Variants in TNPO3 observed in about 807,000 individuals in gnomAD.
The protein encoded by TNPO3 is transportin-3.
A neutral mutation model predicts 122.8 loss-of-function variants in TNPO3; 65 were observed. The ratio of observed to expected loss-of-function variants is 0.53; its 90% CI spans 0.43 to 0.65. The LOEUF is 0.65. TNPO3 is among the 30% of genes least tolerant of loss of function. The pLI, the probability that TNPO3 is intolerant of heterozygous loss-of-function variation, is 0.00. For missense variants in TNPO3, 850 were observed against 1,136.7 expected, an observed-to-expected ratio of 0.75 and a Z score of 3.63; for synonymous variants, 372 against 411.2, an observed-to-expected ratio of 0.90 and a Z score of 1.15.
intron 1 of TNPO3, 24 bp from the exon 2 acceptor site, chr7:129,018,181 G>A: frequency 6.2e-7 from 1 of 1,605,780 alleles, no homozygotes; most frequent in Non-Finnish European, 8.5e-7. Flanking sequence ...AGACAAAGAT[G>A]TCTTAAAGAA....
In TNPO3 at chr7:128,974,938, G is replaced by T. The variant is rs765448983; in HGVS notation, c.2203C>A (p.Leu735Ile). The change falls in exon 18 of 23, where the codon CTC (leucine) becomes ATC (isoleucine). Residue 735 changes from leucine (L) to isoleucine (I), a missense_variant. Transcript: ENST00000265388. Reference protein sequence around the residue: ...LQALCIPTFQLLEQQNGLQNH... With the variant: ...LQALCIPTFQILEQQNGLQNH... ...TGGAGACCATTCTGCTGTTCTAGGAGCTGAAAGGTGGGGATGCACAGTGCC... is the reference window on the plus strand; with the variant it reads ...TGGAGACCATTCTGCTGTTCTAGGATCTGAAAGGTGGGGATGCACAGTGCC... The T allele has an allele frequency of 6.2e-7, 1 of 1,614,204 alleles. No homozygotes were observed. The highest frequency in any genetic ancestry group is 8.5e-7 in the Non-Finnish European group (1 of 1,180,020).
At chr7:129,019,020 C>T (rs1220014167) in intron 1 of TNPO3, among the ~76,000 whole-genome samples, 1 of 152,154 alleles carries the variant, frequency 6.6e-6, no homozygotes, top group African/African-American at 2.4e-5. Context: ...TGCCTGGCCC[C>T]TTCAATTATT....
chr7:128,962,347 G>A (rs1225218464), intron 21 of TNPO3, among the ~76,000 whole-genome samples: 2 of 145,382 alleles, frequency 1.4e-5, no homozygotes, highest in East Asian at 4.0e-4. Context: ...AGTCCGGCCT[G>A]GGCGACAGAG....
chr7:128,978,831 C>A (rs996070248), intron 16 of TNPO3, 152 bp downstream of exon 16: 2 of 791,648 alleles, frequency 2.5e-6, no homozygotes, highest in African/African-American at 1.8e-5. Flanking sequence ...AGGGTTTCAC[C>A]ATGTTGGCCA....
intron 1 of TNPO3, among the ~76,000 whole-genome samples, chr7:129,021,767 T>C (rs1273131075): frequency 6.6e-6 from 1 of 151,200 alleles, no homozygotes; most frequent in African/African-American, 2.4e-5. Flanking sequence ...ATTAAGAAAA[T>C]GATACAAGAT....
intron 4 of TNPO3, among the ~76,000 whole-genome samples, chr7:129,011,465 T>A (rs1803185629): frequency 6.6e-6 from 1 of 152,208 alleles, no homozygotes; most frequent in Admixed American, 6.5e-5. Context: ...TGCCTTGGCC[T>A]CCCGAGTAGC....
At chr7:128,978,398 C>G (rs1339877710) in intron 16 of TNPO3, among the ~76,000 whole-genome samples, 2 of 152,108 alleles carry the variant, frequency 1.3e-5, no homozygotes, top group Non-Finnish European at 2.9e-5. Flanking sequence ...CATTTTTTCC[C>G]CAAGGATCTC....
At chr7:129,044,926 A>T (rs973022061) in intron 1 of TNPO3, among the ~76,000 whole-genome samples, 3 of 152,232 alleles carry the variant, frequency 2.0e-5, no homozygotes, top group African/African-American at 7.2e-5. Context: ...TCATAGCAGC[A>T]TTATTCACAA....
chr7:128,980,956 A>G (rs1446986048), intron 14 of TNPO3, among the ~76,000 whole-genome samples: 3 of 151,310 alleles, frequency 2.0e-5, no homozygotes, highest in Non-Finnish European at 4.4e-5. Flanking sequence ...ATAGCTCACA[A>G]TTTGAAGAAA....
At chr7:129,051,109 G>T (rs562475385) in intron 1 of TNPO3, among the ~76,000 whole-genome samples, 1 of 151,210 alleles carries the variant, frequency 6.6e-6, no homozygotes, top group African/African-American at 2.4e-5. Flanking sequence ...TGAGATTTGA[G>T]GGTGACTTAT....
chr7:128,955,237 C>A lies in TNPO3; in HGVS notation c.*180G>T. 1 of 444,770 alleles carries A rather than the reference C, an allele frequency of 2.2e-6. No individual in the cohort carries two copies. Among genetic ancestry groups the A allele is most frequent in the South Asian group, 1.6e-5 (1 of 63,260 alleles). The allele number at this position is 444,770 out of a possible 1,614,324, so 27.6% of individuals were successfully genotyped here. A position where few individuals can be genotyped will look rare whatever the true frequency, so the allele number is the denominator to read the frequency against. ...CTCACACCCCCAAACAGGAACTCCT[C>A]AGGATGGCCTCAGAAGGCTGGAGTC... On this transcript the variant is annotated 3_prime_UTR_variant, in exon 23 of 23. Coordinates refer to ENST00000265388, the MANE Select transcript of TNPO3 (RefSeq NM_012470.4).
At chr7:128,974,550 G>A (rs1029516787) in intron 18 of TNPO3, among the ~76,000 whole-genome samples, 29 of 151,988 alleles carry the variant, frequency 1.9e-4, no homozygotes, top group African/African-American at 7.0e-4. Flanking sequence ...ACATGAAATC[G>A]CAACAGCACG....
rs535420131 is a variant in TNPO3, at chr7:129,017,171, C to A, written c.322-115G>T. The A allele has an allele frequency of 8.6e-6, 8 of 932,000 alleles. No individual in the cohort carries two copies. In the South Asian group the frequency reaches 1.2e-4, roughly 14 times the overall value. 57.7% of individuals were successfully genotyped at this position (932,000 alleles called of 1,614,324 possible). ...CAAACAATATGACAACTAAGACTAACCCCCTTCCCCCATTTCTCCCAACCT... is the reference window on the plus strand; with the variant it reads ...CAAACAATATGACAACTAAGACTAAACCCCTTCCCCCATTTCTCCCAACCT... On this transcript the variant is annotated intron_variant, in intron 2 of 22. Coordinates refer to ENST00000265388, the MANE Select transcript of TNPO3 (RefSeq NM_012470.4).
intron 1 of TNPO3, among the ~76,000 whole-genome samples, chr7:129,019,495 T>C (rs189202545): frequency 1.3e-5 from 2 of 152,314 alleles, no homozygotes; most frequent in Admixed American, 1.3e-4. Context: ...CTTGTACAAG[T>C]TCCTAAAGTA....
intron 8 of TNPO3, 148 bp from the exon 9 acceptor site, chr7:128,994,062 C>T (rs1359382562): frequency 1.5e-6 from 1 of 656,226 alleles, no homozygotes; most frequent in Non-Finnish European, 2.6e-6. Flanking sequence ...TTATTTTAGA[C>T]AGAGGGTTTC....
At chr7:128,976,468 T>G (rs1300987246) in intron 16 of TNPO3, among the ~76,000 whole-genome samples, 2 of 152,150 alleles carry the variant, frequency 1.3e-5, no homozygotes, top group Admixed American at 6.5e-5. Context: ...TAACACAATA[T>G]GCACATTATT....
At chr7:128,994,010 C>G in intron 8 of TNPO3, 96 bp from the exon 9 acceptor site, 1 of 1,156,454 alleles carries the variant, frequency 8.6e-7, no homozygotes, top group Admixed American at 2.4e-5. Flanking sequence ...ATTAAGCAGT[C>G]AAGTTTCAAT....
Position 128,979,013 on chromosome 7 carries a change from A to G in TNPO3, c.2031T>C (p.Ser677=). ...RFAVRCVGKG[S]AALLQPLVTQ... ...TGACTAGTGGCTGCAGCAGTGCTGC[A>G]GATCCTTTGCCTACACAGCGAACAG... Residue 677 remains serine (S), a synonymous_variant, in exon 16 of 23, where the codon TCT becomes TCC. Coordinates refer to ENST00000265388, the MANE Select transcript of TNPO3 (RefSeq NM_012470.4). 6.2e-7 allele frequency: 1 copy of G among 1,614,202 alleles called. No homozygotes were observed. The highest frequency in any genetic ancestry group is 8.5e-7 in the Non-Finnish European group (1 of 1,180,002).
chr7:128,986,924 A>T lies in TNPO3; in HGVS notation c.1499-4T>A. 1 of 1,601,512 alleles carries T rather than the reference A, an allele frequency of 6.2e-7. No individual in the cohort carries two copies. The highest frequency in any genetic ancestry group is 8.5e-7 in the Non-Finnish European group (1 of 1,175,474). On this transcript the variant is annotated splice_polypyrimidine_tract_variant and splice_region_variant and intron_variant, in intron 11 of 22. Coordinates refer to ENST00000265388, the MANE Select transcript of TNPO3 (RefSeq NM_012470.4). The stretch of plus-strand genomic sequence containing the variant: ...ATCAAATAGCCCAACACAGGGTCTA[A>T]GAAGAAAAGCCAAGCAGAGATTACA...
Sources: gnomAD v4.1 joint callset for allele counts (sites outside exome capture counted in the v4.1 genomes callset) on GRCh38, gnomAD v4.1.1 for gene constraint, MANE v1.5 for transcripts, NCBI Gene and HGNC (gene_info 2026-07-23, HGNC 2026-07-21) for gene names.